CCKBR: variants seen among roughly 807,000 people sequenced by gnomAD.
CCKBR encodes gastrin/cholecystokinin type B receptor.
A neutral mutation model predicts 34.6 loss-of-function variants in CCKBR; 33 were observed. The ratio of observed to expected loss-of-function variants is 0.95; its 90% CI spans 0.72 to 1.27. The LOEUF is 1.27. CCKBR is among the 50% of genes most tolerant of loss of function. The pLI is 0.00. For synonymous variants in CCKBR, 269 were observed against 267.5 expected (o/e 1.01, Z -0.06); for missense variants, 652 against 617.4 (o/e 1.06, Z -0.59).
Position 6,271,707 on chromosome 11 carries a change from A to C in CCKBR, c.*164A>C, listed in dbSNP as rs1848321152. On this transcript the variant is annotated 3_prime_UTR_variant, in exon 5 of 5. Transcript: ENST00000334619. ...GCTTACCTGACACAAGAGGAATAAG[A>C]ATGGAGCAGTACATGGGAAAGGAGG... 1.5e-6 allele frequency: 1 copy of C among 681,998 alleles called. No homozygotes were observed. Among genetic ancestry groups the C allele is most frequent in the Non-Finnish European group, 2.4e-6 (1 of 415,114 alleles). 42.2% of individuals were successfully genotyped at this position (681,998 alleles called of 1,614,324 possible). A position where few individuals can be genotyped will look rare whatever the true frequency, so the allele number is the denominator to read the frequency against.
chr11:6,264,755 C>T (rs958348764), intron 1 of CCKBR: 1 of 456,334 alleles, frequency 2.2e-6, no homozygotes, highest in Non-Finnish European at 3.8e-6. Flanking sequence ...GCATACAAGT[C>T]TAAGTCTGAT....
intron 1 of CCKBR, among the ~76,000 whole-genome samples, chr11:6,268,704 G>A (rs1166469829): frequency 6.6e-6 from 1 of 152,200 alleles, no homozygotes; most frequent in Non-Finnish European, 1.5e-5. Flanking sequence ...CTCTGTAAAT[G>A]TTTATAGAGT....
chr11:6,270,779 G>T lies in CCKBR; in HGVS notation c.787G>T (p.Val263Phe). The change falls in exon 4 of 5, where the codon GTC becomes TTC. Residue 263 changes from valine (V) to phenylalanine (F), a missense_variant. Physicochemically the swap from Val to Phe is conservative, Grantham distance 50. Transcript: ENST00000334619. ...GDSDSDSQSR[V>F]RNQGGLPGAV... ...CAGTGACAGCGACAGCCAAAGCAGG[G>T]TCCGAAACCAAGGCGGGCTGCCAGG... is the stretch of plus-strand genomic sequence containing the variant. The T allele has an allele frequency of 6.2e-7, 1 of 1,614,208 alleles. No individual in the cohort carries two copies. Among genetic ancestry groups the T allele is most frequent in the East Asian group, 2.2e-5 (1 of 44,880 alleles).
At chr11:6,260,649 C>T (rs1848115774) in intron 1 of CCKBR, among the ~76,000 whole-genome samples, 1 of 152,206 alleles carries the variant, frequency 6.6e-6, no homozygotes, top group Non-Finnish European at 1.5e-5. Context: ...CTTAGAGCTG[C>T]CTGCCTCCAT....
In CCKBR at chr11:6,271,359, C is replaced by G. The variant is rs766435444; in HGVS notation, c.1160C>G (p.Pro387Arg). Reference protein sequence around the residue: ...LLSYASACVNPLVYCFMHRRF... With the variant: ...LLSYASACVNRLVYCFMHRRF... ...AGCTACGCCTCGGCCTGTGTCAACC[C>G]CCTGGTCTACTGCTTCATGCACCGT... Residue 387 changes from proline to arginine, a missense_variant, in exon 5 of 5, where the codon CCC (proline) becomes CGC (arginine). By Grantham distance (103) the Pro-to-Arg change is moderately radical. Transcript: ENST00000334619. 7 of 1,614,208 alleles carry G rather than the reference C, an allele frequency of 4.3e-6. No individual in the cohort carries two copies. The East Asian group carries it at 8.9e-5, about 21-fold the overall frequency.
chr11:6,266,549 C>G (rs907440610), intron 1 of CCKBR, among the ~76,000 whole-genome samples: 2 of 152,020 alleles, frequency 1.3e-5, no homozygotes, highest in Admixed American at 6.6e-5. Context: ...TGATGAATAA[C>G]AGAGTACTGC....
intron 1 of CCKBR, among the ~76,000 whole-genome samples, chr11:6,265,324 T>C (rs1273139381): frequency 6.6e-6 from 1 of 152,184 alleles, no homozygotes; most frequent in Non-Finnish European, 1.5e-5. Context: ...TATTGCAAAC[T>C]TTATAAGGGT....
intron 1 of CCKBR, 128 bp downstream of exon 1, chr11:6,260,207 T>A: frequency 1.6e-6 from 1 of 625,286 alleles, no homozygotes; most frequent in Non-Finnish European, 2.7e-6. Flanking sequence ...TAGTACTCCC[T>A]CAGCCCCCAA....
chr11:6,264,938 A>G (rs931048899), intron 1 of CCKBR, among the ~76,000 whole-genome samples: 2 of 152,228 alleles, frequency 1.3e-5, no homozygotes, highest in African/African-American at 2.4e-5. Context: ...GCCAATATCA[A>G]TACATTATTC....
Position 6,259,891 on chromosome 11 carries a change from G to A in CCKBR, c.-38G>A, listed in dbSNP as rs1418063452. The A allele has an allele frequency of 4.3e-6, 6 of 1,394,048 alleles. No individual in the cohort carries two copies. The highest frequency in any genetic ancestry group is 3.3e-5 in the South Asian group (2 of 61,438). The allele number at this position is 1,394,048 out of a possible 1,614,324, so 86.4% of individuals were successfully genotyped here. On this transcript the variant is annotated 5_prime_UTR_variant, in exon 1 of 5. Transcript: ENST00000334619. ...GGTGGAGCCGCGTTGGGAGCCCGCC[G>A]GGTCGAGCTGAGTAAGGCGGCGGGC...
rs375578107 is a variant in CCKBR at position 6,269,828 on chromosome 11, C to T, written c.311C>T (p.Ala104Val). The change falls in exon 2 of 5, where the codon GCT becomes GTT. Residue 104 changes from alanine (A) to valine (V), a missense_variant. Transcript: ENST00000334619. ...CTGGCAGTCAGCGACCTCCTGCTGGCTGTGGCTTGCATGCCCTTCACCCTC... is the reference window on the plus strand; with the variant it reads ...CTGGCAGTCAGCGACCTCCTGCTGGTTGTGGCTTGCATGCCCTTCACCCTC... ...LSLAVSDLLL[A>V]VACMPFTLLP... is the part of the protein sequence containing the mutation. 11 of 1,614,074 alleles carry T rather than the reference C, an allele frequency of 6.8e-6. No homozygotes were observed. In the African/African-American group the frequency reaches 1.5e-4, roughly 22 times the overall value.
intron 1 of CCKBR, chr11:6,264,430 C>T (rs1332022960): frequency 1.1e-5 from 7 of 617,144 alleles, no homozygotes; most frequent in Middle Eastern, 2.5e-4. Context: ...TTTTATGTCA[C>T]GTTGTCTGGA....
At chr11:6,270,969 G>A (rs2133906155) in intron 4 of CCKBR, 42 bp from the exon 5 acceptor site, 1 of 1,613,066 alleles carries the variant, frequency 6.2e-7, no homozygotes, top group Non-Finnish European at 8.5e-7. Context: ...GGAGACTGGG[G>A]GGACTCGCCT....
chr11:6,261,434 C>CCAAAAAAAAA (rs1848127015), intron 1 of CCKBR, among the ~76,000 whole-genome samples: 1 of 14,444 alleles, frequency 6.9e-5, no homozygotes, highest in Admixed American at 1.4e-3. Flanking sequence ...TTCCTGTTGG[C>CCAAAAAAAAA]AAAAAAAAAA....
intron 1 of CCKBR, among the ~76,000 whole-genome samples, chr11:6,265,752 G>A (rs1209198022): frequency 6.6e-6 from 1 of 152,134 alleles, no homozygotes; most frequent in African/African-American, 2.4e-5. Context: ...GAGAGGCCCA[G>A]CTTCTAAAGG....
intron 1 of CCKBR, among the ~76,000 whole-genome samples, chr11:6,264,784 T>C (rs1848187336): frequency 1.3e-5 from 2 of 152,182 alleles, no homozygotes; most frequent in Admixed American, 6.5e-5. Flanking sequence ...TGCATGACTT[T>C]TTAAACTAAT....
At chr11:6,266,562 G>A (rs116948256) in intron 1 of CCKBR, among the ~76,000 whole-genome samples, 1,870 of 152,220 alleles carry the variant, frequency 0.012, 18 homozygotes, top group Non-Finnish European at 0.019. Context: ...AGTACTGCAG[G>A]AACAAACAGT....
chr11:6,263,162 T>A (rs892638141), intron 1 of CCKBR, among the ~76,000 whole-genome samples: 10 of 152,230 alleles, frequency 6.6e-5, no homozygotes, highest in African/African-American at 1.9e-4. Context: ...ATATAATCCA[T>A]GCAGACTTGA....
At chr11:6,265,090 T>C (rs1848192212) in intron 1 of CCKBR, among the ~76,000 whole-genome samples, 1 of 152,216 alleles carries the variant, frequency 6.6e-6, no homozygotes, top group African/African-American at 2.4e-5. Flanking sequence ...CTGTACTTCA[T>C]CTATTTATCC....
Sources: gnomAD v4.1 joint callset for allele counts (sites outside exome capture counted in the v4.1 genomes callset) on GRCh38, gnomAD v4.1.1 for gene constraint, MANE v1.5 for transcripts, NCBI Gene and HGNC (gene_info 2026-07-23, HGNC 2026-07-21) for gene names.